The following MAGI2 variants were observed in gnomAD, a reference collection of about 807,000 sequenced individuals.
MAGI2 encodes the protein membrane-associated guanylate kinase, WW and PDZ domain-containing protein 2.
A neutral mutation model predicts 133.3 loss-of-function variants in MAGI2; 35 were observed. That is an observed-to-expected ratio of 0.26 (90% CI 0.20 to 0.35). The LOEUF (loss-of-function observed/expected upper bound fraction) is 0.35. Ranked by LOEUF, MAGI2 falls within the 10% of genes least tolerant of loss-of-function variation. The pLI, the probability that MAGI2 is intolerant of heterozygous loss-of-function variation, is 1.00. For synonymous variants in MAGI2, 729 were observed against 710.6 expected, an observed-to-expected ratio of 1.03 and a Z score of -0.41; for missense variants, 1,636 against 1,863.4, an observed-to-expected ratio of 0.88 and a Z score of 2.25.
At chr7:79,006,838 C>A (rs1026038285) in intron 2 of MAGI2, 9 of 361,630 alleles carry the variant, frequency 2.5e-5, no homozygotes, top group African/African-American at 1.9e-4. Flanking sequence ...TTTCTCAATA[C>A]TAACTTCAGA....
intron 2 of MAGI2, among the ~76,000 whole-genome samples, chr7:78,772,000 A>T (rs2151321779): frequency 6.6e-6 from 1 of 152,320 alleles, no homozygotes. Flanking sequence ...CCTAGTAGAG[A>T]AGGGTGTCCA....
chr7:79,063,900 T>C (rs557948182), intron 1 of MAGI2, among the ~76,000 whole-genome samples: 1 of 152,254 alleles, frequency 6.6e-6, no homozygotes, highest in Admixed American at 6.5e-5. Context: ...CATATAGCCC[T>C]TGTCTAAAGG....
chr7:79,277,766 A>T (rs1192906579), intron 1 of MAGI2, among the ~76,000 whole-genome samples: 1 of 152,144 alleles, frequency 6.6e-6, no homozygotes, highest in Admixed American at 6.5e-5. Context: ...AAATTCACAG[A>T]TGTAACTCCT....
At chr7:78,957,778 A>G (rs895145892) in intron 2 of MAGI2, among the ~76,000 whole-genome samples, 4 of 152,232 alleles carry the variant, frequency 2.6e-5, no homozygotes, top group Non-Finnish European at 4.4e-5. Flanking sequence ...CTGGCTCCAG[A>G]GTTGGCATTC....
At chr7:79,435,707 T>C (rs1370232140) in intron 1 of MAGI2, among the ~76,000 whole-genome samples, 1 of 152,156 alleles carries the variant, frequency 6.6e-6, no homozygotes, top group Non-Finnish European at 1.5e-5. Flanking sequence ...ACAGATTCAA[T>C]GCTATTCCTA....
At chr7:78,782,469 G>A (rs1826477188) in intron 2 of MAGI2, among the ~76,000 whole-genome samples, 1 of 152,134 alleles carries the variant, frequency 6.6e-6, no homozygotes, top group South Asian at 2.1e-4. Context: ...ATCCTTGACA[G>A]AAACTGAGTT....
intron 6 of MAGI2, among the ~76,000 whole-genome samples, chr7:78,458,624 T>C (rs1304594224): frequency 7.0e-6 from 1 of 143,150 alleles, no homozygotes; most frequent in Non-Finnish European, 1.5e-5. Context: ...TTTGCTGCAA[T>C]CTGTTTTTTG....
intron 2 of MAGI2, among the ~76,000 whole-genome samples, chr7:78,783,329 G>A (rs1040462560): frequency 3.9e-5 from 6 of 152,058 alleles, no homozygotes; most frequent in Non-Finnish European, 5.9e-5. Context: ...AATAAAATCT[G>A]AAATGACCAG....
intron 1 of MAGI2, among the ~76,000 whole-genome samples, chr7:79,300,680 A>T (rs1409310923): frequency 6.6e-6 from 1 of 152,236 alleles, no homozygotes; most frequent in Non-Finnish European, 1.5e-5. Context: ...ACTGTGGAGC[A>T]ATTACTTGCT....
chr7:78,689,751 A>G (rs1251188200), intron 2 of MAGI2, among the ~76,000 whole-genome samples: 2 of 105,984 alleles, frequency 1.9e-5, no homozygotes, highest in South Asian at 3.1e-4. Context: ...TGTTATATGT[A>G]TCAGTAATTC....
At chr7:78,725,327 A>G (rs1820666181) in intron 2 of MAGI2, among the ~76,000 whole-genome samples, 1 of 152,264 alleles carries the variant, frequency 6.6e-6, no homozygotes, top group Non-Finnish European at 1.5e-5. Flanking sequence ...AAAAATGACC[A>G]TAGAACTATT....
intron 1 of MAGI2, among the ~76,000 whole-genome samples, chr7:79,190,932 T>A (rs934040487): frequency 6.6e-6 from 1 of 151,874 alleles, no homozygotes; most frequent in African/African-American, 2.4e-5. Flanking sequence ...AAATAAGATA[T>A]AAATTTTCTC....
At chr7:78,305,631 C>T (rs768686798) in intron 9 of MAGI2, among the ~76,000 whole-genome samples, 12 of 152,128 alleles carry the variant, frequency 7.9e-5, no homozygotes. Context: ...GCAGTGTAAC[C>T]ATGAGCTCCA....
chr7:78,695,412 CT>C (rs1817404073), intron 2 of MAGI2, among the ~76,000 whole-genome samples: 1 of 152,114 alleles, frequency 6.6e-6, no homozygotes, highest in Non-Finnish European at 1.5e-5. Flanking sequence ...CCTCCTTGCT[CT>C]GTATCTGATG....
At chr7:78,386,605 G>T (rs1424061560) in intron 6 of MAGI2, among the ~76,000 whole-genome samples, 1 of 152,166 alleles carries the variant, frequency 6.6e-6, no homozygotes, top group Non-Finnish European at 1.5e-5. Context: ...AGCCCTGTAG[G>T]CTTGTCTAAC....
chr7:79,048,640 T>C (rs771404157), intron 1 of MAGI2, among the ~76,000 whole-genome samples: 2 of 152,190 alleles, frequency 1.3e-5, no homozygotes, highest in Non-Finnish European at 2.9e-5. Context: ...TAGTATAGGT[T>C]CTGCTTATTT....
chr7:78,323,973 G>A (rs1210579031), intron 9 of MAGI2, among the ~76,000 whole-genome samples: 1 of 152,092 alleles, frequency 6.6e-6, no homozygotes, highest in Non-Finnish European at 1.5e-5. Flanking sequence ...TATACGTTCT[G>A]TGTATTGATC....
At position 78,549,339 on chromosome 7, in the gene MAGI2, T is replaced by G. The variant is rs1181547724; in HGVS notation, c.539-27694A>C. On this transcript the variant is annotated intron_variant, in intron 3 of 21. Transcript: ENST00000354212. Reference sequence around the variant, plus strand: ...TGACCATAGTGGATCAAGACAAAAGTAAGACTGCCTTCTTTTGCATATTTC... The same window carrying G: ...TGACCATAGTGGATCAAGACAAAAGGAAGACTGCCTTCTTTTGCATATTTC... Among the ~76,000 whole-genome samples, 4 of 152,086 alleles carry G rather than the reference T, an allele frequency of 2.6e-5. No homozygotes were observed. The East Asian group carries it at 7.7e-4, about 29-fold the overall frequency.
At chr7:79,133,877 G>T (rs1821152239) in intron 1 of MAGI2, among the ~76,000 whole-genome samples, 1 of 152,000 alleles carries the variant, frequency 6.6e-6, no homozygotes, top group Non-Finnish European at 1.5e-5. Flanking sequence ...GTACTCCAGG[G>T]GTACCACTGG....
Sources: gnomAD v4.1 joint callset for allele counts (sites outside exome capture counted in the v4.1 genomes callset) on GRCh38, gnomAD v4.1.1 for gene constraint, MANE v1.5 for transcripts, NCBI Gene and HGNC (gene_info 2026-07-23, HGNC 2026-07-21) for gene names.